DNA2: variants seen among roughly 807,000 people sequenced by gnomAD.
The protein encoded by DNA2 is DNA replication helicase/nuclease 2.
Under a neutral mutation model 119.1 loss-of-function variants are expected in DNA2, and 101 were observed. That is an observed-to-expected ratio of 0.85 (90% CI 0.72 to 1.00). The LOEUF is 1.00. Ranked by LOEUF, DNA2 falls within the 50% of genes least tolerant of loss-of-function variation. DNA2 has a pLI of 0.00. For synonymous variants in DNA2, 366 were observed against 424.4 expected (o/e 0.86, Z 1.69); for missense variants, 1,121 against 1,255.5 (o/e 0.89, Z 1.62).
intron 6 of DNA2, among the ~76,000 whole-genome samples, chr10:68,449,399 TAATA>T (rs1251113632): frequency 6.6e-6 from 1 of 152,204 alleles, no homozygotes; most frequent in Non-Finnish European, 1.5e-5. Context: ...ACAGAAAACC[TAATA>T]ATAGGTGAAA....
At chr10:68,419,513 T>C (rs1240531671) in intron 18 of DNA2, 1 of 515,034 alleles carries the variant, frequency 1.9e-6, no homozygotes, top group Admixed American at 3.6e-5. Flanking sequence ...TTTCACCTTC[T>C]GCTATTTCTT....
chr10:68,470,512 G>T, intron 1 of DNA2: 1 of 416,688 alleles, frequency 2.4e-6, no homozygotes, highest in South Asian at 1.8e-5. Context: ...TACTCAAGAG[G>T]CTGAGGTGGA....
intron 9 of DNA2, among the ~76,000 whole-genome samples, chr10:68,442,388 T>C (rs957171259): frequency 6.6e-6 from 1 of 151,490 alleles, no homozygotes; most frequent in Non-Finnish European, 1.5e-5. Flanking sequence ...CCGGCTAATT[T>C]TTTGTTTTTG....
intron 10 of DNA2, among the ~76,000 whole-genome samples, chr10:68,435,556 A>T (rs1365627463): frequency 1.3e-5 from 2 of 152,014 alleles, no homozygotes; most frequent in African/African-American, 2.4e-5. Flanking sequence ...TCCGGGTTCA[A>T]GCGATTCCCC....
At chr10:68,425,084 A>ATTT (rs2051719569) in intron 14 of DNA2, 11 of 203,728 alleles carry the variant, frequency 5.4e-5, no homozygotes, top group African/African-American at 3.4e-4. Context: ...TCTCTGGAAC[A>ATTT]TTTCTTTTTT....
chr10:68,452,125 C>T (rs982126011), intron 5 of DNA2, among the ~76,000 whole-genome samples: 4 of 151,968 alleles, frequency 2.6e-5, no homozygotes, highest in Admixed American at 6.6e-5. Flanking sequence ...CTCTGTTGCC[C>T]GGGGTAGAGT....
chr10:68,430,693 G>T, intron 13 of DNA2, 33 bp from the exon 14 acceptor site: 3 of 1,407,192 alleles, frequency 2.1e-6, no homozygotes, highest in Non-Finnish European at 2.9e-6. Context: ...AGAAAAAACA[G>T]CCTTACTTTT....
At chr10:68,427,473 G>T (rs2051757343) in intron 14 of DNA2, among the ~76,000 whole-genome samples, 1 of 151,872 alleles carries the variant, frequency 6.6e-6, no homozygotes, top group South Asian at 2.1e-4. Context: ...AGACCAGCCT[G>T]GACAACATAA....
chr10:68,442,087 G>C (rs2051976367), intron 9 of DNA2, among the ~76,000 whole-genome samples: 1 of 151,936 alleles, frequency 6.6e-6, no homozygotes, highest in South Asian at 2.1e-4. Flanking sequence ...GGTAATTTTT[G>C]TATTTTTTGT....
intron 4 of DNA2, among the ~76,000 whole-genome samples, chr10:68,462,161 A>T (rs937793456): frequency 6.6e-6 from 1 of 152,206 alleles, no homozygotes; most frequent in Admixed American, 6.5e-5. Flanking sequence ...ACTTGAGGTC[A>T]GGAGTTCAAG....
chr10:68,470,390 T>G (rs1437760873), intron 1 of DNA2: 1 of 470,224 alleles, frequency 2.1e-6, no homozygotes, highest in African/African-American at 2.0e-5. Context: ...ATGCTCATGA[T>G]ATGAGATTTT....
At chr10:68,464,428 T>C (rs1329510313) in intron 4 of DNA2, among the ~76,000 whole-genome samples, 2 of 151,206 alleles carry the variant, frequency 1.3e-5, no homozygotes, top group African/African-American at 2.4e-5. Flanking sequence ...GGCAGGAAAA[T>C]TGCTTGAACC....
intron 4 of DNA2, among the ~76,000 whole-genome samples, chr10:68,460,749 A>G (rs574920451): frequency 6.6e-6 from 1 of 152,144 alleles, no homozygotes; most frequent in East Asian, 1.9e-4. Context: ...CAATTTTTAA[A>G]AAACATCCAA....
chr10:68,422,764 A>C lies in DNA2; in HGVS notation c.2335T>G (p.Ser779Ala), dbSNP rs2051682648. The C allele has an allele frequency of 6.3e-7, 1 of 1,581,642 alleles. No homozygotes were observed. The highest frequency in any genetic ancestry group is 8.6e-7 in the Non-Finnish European group (1 of 1,162,414). ...TCCCCCACTAACACAAATCTCCGTG[A>C]AAAAAAAAGGGGGCCCAGACAAATT... Reference protein sequence around the residue: ...QPICLGPLFFSRRFVLVGDHQ... With the variant: ...QPICLGPLFFARRFVLVGDHQ... Residue 779 changes from serine to alanine, a missense_variant, in exon 15 of 21, where the codon TCA (serine) becomes GCA (alanine). Coordinates refer to ENST00000358410, the MANE Select transcript of DNA2 (RefSeq NM_001080449.3).
intron 4 of DNA2, among the ~76,000 whole-genome samples, chr10:68,464,513 T>G (rs1380694600): frequency 6.6e-6 from 1 of 151,078 alleles, no homozygotes; most frequent in Non-Finnish European, 1.5e-5. Flanking sequence ...AGACTCCGTC[T>G]CGAAAACAAA....
At chr10:68,447,659 A>C (rs1482960170) in intron 6 of DNA2, among the ~76,000 whole-genome samples, 2 of 151,666 alleles carry the variant, frequency 1.3e-5, no homozygotes, top group African/African-American at 4.8e-5. Context: ...ACTACATTCC[A>C]GCCCAGGTAA....
At position 68,462,507 on chromosome 10, in the gene DNA2, A is replaced by C. The variant is rs191303108; in HGVS notation, c.587+3160T>G. ...TCTTTCCAGTCTTTAATAATTTTTT[A>C]GTGTAAAGGGGTCCTGAGAGCAAAA... On this transcript the variant is annotated intron_variant, in intron 4 of 20. Transcript: ENST00000358410. Among the ~76,000 whole-genome samples, 134 of 152,300 alleles carry C rather than the reference A, an allele frequency of 8.8e-4. 2 individuals are homozygous for C. In the Middle Eastern group the frequency reaches 0.014, roughly 15 times the overall value.
chr10:68,456,191 C>T (rs552827219), intron 5 of DNA2, among the ~76,000 whole-genome samples: 1 of 152,154 alleles, frequency 6.6e-6, no homozygotes, highest in South Asian at 2.1e-4. Context: ...CACTGCACTC[C>T]AGTCTGGGCA....
At chr10:68,444,666 G>A (rs1291064897) in intron 8 of DNA2, among the ~76,000 whole-genome samples, 2 of 149,812 alleles carry the variant, frequency 1.3e-5, no homozygotes, top group African/African-American at 2.5e-5. Context: ...AGAGGTTGTG[G>A]TGAGCCGAGA....
Sources: allele counts gnomAD v4.1 joint callset (sites outside exome capture counted in the v4.1 genomes callset), GRCh38; gene constraint gnomAD v4.1.1; transcripts MANE v1.5; gene names NCBI Gene and HGNC (gene_info 2026-07-23, HGNC 2026-07-21).